GGTA1: variants seen among roughly 807,000 people sequenced by gnomAD.
The protein encoded by GGTA1 is inactive N-acetyllactosaminide alpha-1,3-galactosyltransferase.
GGTA1 carries 5 observed loss-of-function variants against 2.6 expected under a neutral mutation model. The ratio of observed to expected loss-of-function variants is 1.92; its 90% CI spans 1.00 to 4.04. The LOEUF is 4.04. Among genes scored for constraint, GGTA1 ranks in the 30% most tolerant of loss-of-function variants. The pLI, the probability that GGTA1 is intolerant of heterozygous loss-of-function variation, is 0.00. For synonymous variants in GGTA1, 17 were observed against 5.0 expected, an observed-to-expected ratio of 3.38 and a Z score of -3.19; for missense variants, 50 against 16.7, an observed-to-expected ratio of 2.99 and a Z score of -3.47.
intron 1 of GGTA1, among the ~76,000 whole-genome samples, chr9:121,481,225 A>G (rs1476626125): frequency 1.3e-5 from 2 of 152,004 alleles, no homozygotes; most frequent in African/African-American, 4.8e-5. Context: ...TATCATCAGA[A>G]CAGGTAAATT....
At chr9:121,498,761 G>A (rs1435896669) in intron 1 of GGTA1, among the ~76,000 whole-genome samples, 1 of 152,192 alleles carries the variant, frequency 6.6e-6, no homozygotes, top group Admixed American at 6.5e-5. Flanking sequence ...CCTTCCTGCC[G>A]GAGGAGCGGC....
At chr9:121,475,982 T>C (rs746818294) in intron 1 of GGTA1, among the ~76,000 whole-genome samples, 1 of 152,174 alleles carries the variant, frequency 6.6e-6, no homozygotes, top group Non-Finnish European at 1.5e-5. Flanking sequence ...TATTTACATA[T>C]ACAAAATGGA....
intron 1 of GGTA1, among the ~76,000 whole-genome samples, chr9:121,472,816 A>G (rs913404079): frequency 2.6e-5 from 4 of 152,006 alleles, no homozygotes; most frequent in Non-Finnish European, 5.9e-5. Context: ...AAAGGTGAAA[A>G]CTCTCACGGT....
intron 5 of GGTA1, among the ~76,000 whole-genome samples, chr9:121,458,657 T>C (rs2064934100): frequency 6.8e-6 from 1 of 146,640 alleles, no homozygotes; most frequent in East Asian, 2.0e-4. Context: ...AATAAATAAA[T>C]AAATAAAGGA....
At position 121,458,190 on chromosome 9, in the gene GGTA1, G is replaced by A. The variant is rs140594348; in HGVS notation, c.298+1914C>T. Reference sequence around the variant, plus strand: ...CTCCCAAAGTGCTAGGATTACAGGCGTGAGCCAAAAAGGATACATTTATAC... The same window carrying A: ...CTCCCAAAGTGCTAGGATTACAGGCATGAGCCAAAAAGGATACATTTATAC... On this transcript the variant is annotated intron_variant, in intron 5 of 5. Coordinates refer to ENST00000481799, the MANE Select transcript of GGTA1 (RefSeq NM_001382585.1). 4.7e-3 allele frequency among the ~76,000 whole-genome samples: 714 copies of A among 151,736 alleles called. 3 individuals carry two copies. The highest frequency in any genetic ancestry group is 0.034 in the Middle Eastern group (10 of 294).
At chr9:121,459,841 C>G (rs750597854) in intron 5 of GGTA1, among the ~76,000 whole-genome samples, 6 of 152,226 alleles carry the variant, frequency 3.9e-5, no homozygotes, top group Admixed American at 3.9e-4. Context: ...CAAATACAAC[C>G]ATGTTGATTG....
In GGTA1 at chr9:121,492,901, T is replaced by C. The variant is rs1828900171; in HGVS notation, c.-10+6749A>G. 2.0e-5 allele frequency among the ~76,000 whole-genome samples: 3 copies of C among 151,802 alleles called. No individual in the cohort carries two copies. In the South Asian group the frequency reaches 6.3e-4, roughly 32 times the overall value. On this transcript the variant is annotated intron_variant, in intron 1 of 5. Transcript: ENST00000481799. Reference sequence around the variant, plus strand: ...GCTTGTACCTGTAATCCCAGCACTTTAGGAGGCCGAAGCAGGCAGATCACT... The same window carrying C: ...GCTTGTACCTGTAATCCCAGCACTTCAGGAGGCCGAAGCAGGCAGATCACT...
At chr9:121,474,645 A>C (rs1828465789) in intron 1 of GGTA1, among the ~76,000 whole-genome samples, 1 of 152,176 alleles carries the variant, frequency 6.6e-6, no homozygotes. Context: ...AGTCAAGGTA[A>C]TTCGTTCCAA....
chr9:121,465,667 A>G (rs1335770171), intron 2 of GGTA1, among the ~76,000 whole-genome samples: 1 of 152,172 alleles, frequency 6.6e-6, no homozygotes, highest in Admixed American at 6.5e-5. Context: ...AGCCAGGAAG[A>G]GCCCTCACTG....
At chr9:121,479,144 T>G (rs1260234349) in intron 1 of GGTA1, 2 of 456,024 alleles carry the variant, frequency 4.4e-6, no homozygotes, top group Non-Finnish European at 8.8e-6. Context: ...CCAAAACTAC[T>G]GAGGGGGCCA....
intron 1 of GGTA1, among the ~76,000 whole-genome samples, chr9:121,496,209 C>T (rs886994884): frequency 5.3e-5 from 8 of 152,174 alleles, no homozygotes; most frequent in Non-Finnish European, 4.4e-5. Flanking sequence ...TAACAAACAA[C>T]CCCCAAATCT....
At position 121,496,757 on chromosome 9, in the gene GGTA1, A is replaced by AAAAAAAAAAAAAAAAAAAAAG. The variant is rs1554838784; in HGVS notation, c.-10+2892_-10+2893insCTTTTTTTTTTTTTTTTTTTT. On this transcript the variant is annotated intron_variant, in intron 1 of 5. Transcript: ENST00000481799. ...AAAAAAAAAAAAAAAAAAAAAAAAA[A>AAAAAAAAAAAAAAAAAAAAAG]AGAGAGAGAGAATCGCTTGAATGAA... Among the ~76,000 whole-genome samples the AAAAAAAAAAAAAAAAAAAAAG allele has an allele frequency of 3.2e-4, 36 of 111,992 alleles. 1 individual carries two copies. Among genetic ancestry groups the AAAAAAAAAAAAAAAAAAAAAG allele is most frequent in the Non-Finnish European group, 5.8e-4 (28 of 48,310 alleles). The allele number at this position is 111,992 out of a possible 152,430, so 73.5% of individuals were successfully genotyped here. A position where few individuals can be genotyped will look rare whatever the true frequency, so the allele number is the denominator to read the frequency against.
At chr9:121,493,744 C>G (rs1268976192) in intron 1 of GGTA1, among the ~76,000 whole-genome samples, 1 of 134,938 alleles carries the variant, frequency 7.4e-6, no homozygotes, top group Non-Finnish European at 1.6e-5. Context: ...CCTAGACTCA[C>G]TCTCTTTTTT....
chr9:121,458,699 C>T (rs1378017949), intron 5 of GGTA1, among the ~76,000 whole-genome samples: 1 of 151,962 alleles, frequency 6.6e-6, no homozygotes, highest in Non-Finnish European at 1.5e-5. Context: ...TAAATATCTG[C>T]TCCCTACTCA....
chr9:121,446,191 C>G (rs2064851538), exon 8 of GGTA1: 1 of 152,288 alleles, frequency 6.6e-6, no homozygotes, highest in African/African-American at 2.4e-5. Flanking sequence ...GGTGGCACTG[C>G]CCCACAGTGA....
chr9:121,463,838 C>T (rs957455883), intron 2 of GGTA1, among the ~76,000 whole-genome samples: 2 of 152,170 alleles, frequency 1.3e-5, no homozygotes, highest in African/African-American at 4.8e-5. Context: ...GCCCAGACAT[C>T]CTTCCCCCAG....
At chr9:121,471,557 C>T (rs1828391540) in intron 1 of GGTA1, among the ~76,000 whole-genome samples, 1 of 152,064 alleles carries the variant, frequency 6.6e-6, no homozygotes, top group Admixed American at 6.5e-5. Flanking sequence ...TTATGAAATC[C>T]AGTTAAAGAA....
rs1589326339 is a variant in GGTA1 at position 121,455,079 on chromosome 9, T to G, written c.*758A>C. On this transcript the variant is annotated 3_prime_UTR_variant, in exon 6 of 6. Transcript: ENST00000481799. ...ATCATTTTTATTTGCATTGGCATTT[T>G]TGTCAATTCAGACTGAGAAATGATG... The G allele has an allele frequency of 6.6e-6, 1 of 152,336 alleles. No homozygotes were observed. Among genetic ancestry groups the G allele is most frequent in the East Asian group, 1.9e-4 (1 of 5,188 alleles). The allele number at this position is 152,336 out of a possible 1,614,324, so 9.4% of individuals were successfully genotyped here.
chr9:121,464,324 GTTTT>G (rs10681377), intron 2 of GGTA1, among the ~76,000 whole-genome samples: 1 of 111,894 alleles, frequency 8.9e-6, no homozygotes, highest in Non-Finnish European at 1.7e-5. Flanking sequence ...CCTCCTTGAG[GTTTT>G]TTTTTTTTTT....
Sources: allele counts gnomAD v4.1 joint callset (sites outside exome capture counted in the v4.1 genomes callset), GRCh38; gene constraint gnomAD v4.1.1; transcripts MANE v1.5; gene names NCBI Gene and HGNC (gene_info 2026-07-23, HGNC 2026-07-21).